HDAC4: variants seen among roughly 807,000 people sequenced by gnomAD.
HDAC4 encodes histone deacetylase A.
In HDAC4, 16 loss-of-function variants were observed where a neutral mutation model predicts 135.1. That is an observed-to-expected ratio of 0.12 (90% confidence interval 0.08 to 0.18). The LOEUF (loss-of-function observed/expected upper bound fraction) is 0.18. Among genes scored for constraint, HDAC4 ranks in the 10% least tolerant of loss-of-function variants. The probability of loss-of-function intolerance (pLI) is 1.00; values close to 1 mark genes in which losing one functional copy is unlikely to be tolerated. For synonymous variants in HDAC4, 685 were observed against 653.4 expected, an observed-to-expected ratio of 1.05 and a Z score of -0.74; for missense variants, 1,143 against 1,511.8, an observed-to-expected ratio of 0.76 and a Z score of 4.05.
intron 5 of HDAC4, among the ~76,000 whole-genome samples, chr2:239,171,214 C>T (rs1434765425): frequency 6.6e-6 from 1 of 150,882 alleles, no homozygotes; most frequent in African/African-American, 2.4e-5. Context: ...GCAGGAAAGC[C>T]TTGCCACAGG....
At chr2:239,398,956 A>C (rs1696750278) in intron 1 of HDAC4, among the ~76,000 whole-genome samples, 1 of 152,236 alleles carries the variant, frequency 6.6e-6, no homozygotes, top group African/African-American at 2.4e-5. Context: ...TGCTCTCTTT[A>C]GGATGGGATT....
intron 9 of HDAC4, among the ~76,000 whole-genome samples, chr2:239,137,408 G>T (rs1488773224): frequency 1.2e-4 from 18 of 152,178 alleles, no homozygotes; most frequent in Non-Finnish European, 2.9e-5. Context: ...TCTGAGCCCT[G>T]CCTCCTCCCT....
intron 24 of HDAC4, among the ~76,000 whole-genome samples, chr2:239,057,872 A>C (rs527327711): frequency 3.3e-5 from 5 of 152,256 alleles, no homozygotes; most frequent in Non-Finnish European, 7.3e-5. Flanking sequence ...AGCCTGGATG[A>C]ACAGGGATGA....
In HDAC4 at chr2:239,111,637, G is replaced by C. The variant is rs147728592; in HGVS notation, c.1867C>G (p.Pro623Ala). The stretch of plus-strand genomic sequence containing the variant: ...GGCCTGTGGCCGCCGAAGGACACGG[G>C]GATGCCGGCGGCCTCCATGGACGCC... ...YQASMEAAGI[P>A]VSFGGHRPLS... is the part of the protein sequence containing the mutation. The change falls in exon 14 of 27, where the codon CCC (proline) becomes GCC (alanine). Residue 623 changes from proline to alanine, a missense_variant. Coordinates refer to ENST00000543185, the MANE Select transcript of HDAC4 (RefSeq NM_001378414.1). 6.2e-7 allele frequency: 1 copy of C among 1,608,400 alleles called. No individual in the cohort carries two copies. Among genetic ancestry groups the C allele is most frequent in the Non-Finnish European group, 8.5e-7 (1 of 1,178,112 alleles).
At chr2:239,401,641 G>GA, upstream of HDAC4, 1 of 259,894 alleles carries the variant, frequency 3.8e-6, no homozygotes, top group Non-Finnish European at 7.5e-6. Flanking sequence ...GTCCATCTTG[G>GA]ATACTGGCAG....
At chr2:239,376,330 C>T (rs1196908412) in intron 1 of HDAC4, among the ~76,000 whole-genome samples, 1 of 152,026 alleles carries the variant, frequency 6.6e-6, no homozygotes, top group Non-Finnish European at 1.5e-5. Context: ...CCTCCACCAT[C>T]CAAACACCAA....
chr2:239,099,910 G>T (rs1447533595), intron 16 of HDAC4, among the ~76,000 whole-genome samples: 1 of 152,258 alleles, frequency 6.6e-6, no homozygotes, highest in Non-Finnish European at 1.5e-5. Context: ...TCCTGAGGAA[G>T]AACAGCTGGA....
intron 2 of HDAC4, among the ~76,000 whole-genome samples, chr2:239,343,644 C>T (rs1051209431): frequency 2.0e-5 from 3 of 152,238 alleles, no homozygotes; most frequent in Non-Finnish European, 4.4e-5. Context: ...CCATCCCTCT[C>T]GTGGCATGAA....
chr2:239,193,146 A>G (rs1290198940), intron 3 of HDAC4, among the ~76,000 whole-genome samples: 3 of 152,208 alleles, frequency 2.0e-5, no homozygotes, highest in Non-Finnish European at 2.9e-5. Flanking sequence ...ACCCCTGCTT[A>G]TAAGATGTGC....
chr2:239,070,450 T>TGTGTGCTATGAATCCATGC (rs1186175922), intron 22 of HDAC4, among the ~76,000 whole-genome samples: 12 of 152,226 alleles, frequency 7.9e-5, no homozygotes, highest in Non-Finnish European at 1.6e-4. Context: ...ATCTTATCAG[T>TGTGTGCTATGAATCCATGC]GTGTGCTATG....
intron 1 of HDAC4, among the ~76,000 whole-genome samples, chr2:239,396,277 T>C (rs1268289676): frequency 6.6e-6 from 1 of 151,978 alleles, no homozygotes; most frequent in Non-Finnish European, 1.5e-5. Context: ...CGCCCAGCCC[T>C]ATTATATTTT....
intron 14 of HDAC4, among the ~76,000 whole-genome samples, chr2:239,110,266 T>C (rs553563995): frequency 7.9e-5 from 12 of 152,352 alleles, no homozygotes; most frequent in South Asian, 2.1e-4. Flanking sequence ...TTCTTTACAA[T>C]GAACATGTAC....
intron 22 of HDAC4, among the ~76,000 whole-genome samples, chr2:239,069,707 G>A (rs1189415681): frequency 5.3e-5 from 6 of 112,770 alleles, no homozygotes; most frequent in Admixed American, 9.1e-5. Context: ...AGTGAGTCAC[G>A]GTGCAAGCCA....
chr2:239,090,431 CTT>C lies in HDAC4; in HGVS notation c.2281-317_2281-316del, dbSNP rs76486832. Among the ~76,000 whole-genome samples the C allele has an allele frequency of 0.23, 30,087 of 132,394 alleles. 3,335 individuals carry two copies. Among genetic ancestry groups the C allele is most frequent in the East Asian group, 0.31 (1,413 of 4,610 alleles). The allele number at this position is 132,394 out of a possible 152,430, so 86.9% of individuals were successfully genotyped here. On this transcript the variant is annotated intron_variant, in intron 17 of 26. Transcript: ENST00000543185. The stretch of plus-strand genomic sequence containing the variant: ...TAATGATGTCAAGGTGATCTATTTC[CTT>C]TTTTTTTTTTTTTTTTTTAACTGGA...
chr2:239,273,800 C>T (rs1440261188), intron 2 of HDAC4, among the ~76,000 whole-genome samples: 2 of 152,346 alleles, frequency 1.3e-5, no homozygotes, highest in Non-Finnish European at 2.9e-5. Flanking sequence ...AGGGAGGAAA[C>T]GGCTGTGTCC....
chr2:239,267,127 G>A (rs2049782787), intron 2 of HDAC4, among the ~76,000 whole-genome samples: 1 of 152,164 alleles, frequency 6.6e-6, no homozygotes, highest in African/African-American at 2.4e-5. Flanking sequence ...CACTCCTGTG[G>A]CACTGGACAC....
intron 3 of HDAC4, among the ~76,000 whole-genome samples, chr2:239,217,843 C>T (rs909230834): frequency 6.6e-6 from 1 of 152,196 alleles, no homozygotes; most frequent in South Asian, 2.1e-4. Context: ...AATCACGGTG[C>T]TTTGGGAGGC....
chr2:239,108,241 A>G (rs1252272982), intron 14 of HDAC4, 58 bp from the exon 15 acceptor site: 11 of 1,555,088 alleles, frequency 7.1e-6, no homozygotes, highest in South Asian at 7.0e-5. Flanking sequence ...CCGACCACCC[A>G]CTGGCAGGCT....
chr2:239,115,072 T>C lies in HDAC4; in HGVS notation c.1772A>G (p.Gln591Arg), dbSNP rs1185198803. 10 of 1,611,106 alleles carry C rather than the reference T, an allele frequency of 6.2e-6. No individual in the cohort carries two copies. The highest frequency in any genetic ancestry group is 8.5e-6 in the Non-Finnish European group (10 of 1,179,924). Residue 591 changes from glutamine (Q) to arginine (R), a missense_variant, in exon 13 of 27, where the codon CAG becomes CGG. By Grantham distance (43) the Gln-to-Arg change is conservative. Transcript: ENST00000543185. The surrounding 1 kb of genome is among the most constrained non-coding windows in gnomAD (Gnocchi z 6.3). The part of the protein sequence containing the change: ...VEPGQRQPSE[Q>R]ELLFRQQALL... ...GGTCACCTGTCTGAAGAGCAGCTCC[T>C]GCTCACTGGGCTGGCGCTGGCCCGG...
Sources: allele counts gnomAD v4.1 joint callset (sites outside exome capture counted in the v4.1 genomes callset), GRCh38; gene constraint gnomAD v4.1.1; non-coding constraint Gnocchi (gnomAD v3.1); transcripts MANE v1.5; gene names NCBI Gene and HGNC (gene_info 2026-07-23, HGNC 2026-07-21).